Variants in PCDHA8 observed in about 807,000 individuals in gnomAD.
PCDHA8 encodes the protein protocadherin alpha 8.
Under a neutral mutation model 61.8 loss-of-function variants are expected in PCDHA8, and 53 were observed. The observed-to-expected ratio is 0.86, with a 90% confidence interval of 0.69 to 1.08. The LOEUF (loss-of-function observed/expected upper bound fraction) is 1.08. PCDHA8 is among the 50% of genes least tolerant of loss of function. The pLI is 0.00. For missense variants in PCDHA8, 1,293 were observed against 1,245.0 expected (o/e 1.04, Z -0.58); for synonymous variants, 618 against 556.6 (o/e 1.11, Z -1.55).
At position 140,841,479 on chromosome 5, in the gene PCDHA8, G is replaced by A. The variant is rs2150316299; in HGVS notation, c.158G>A (p.Gly53Glu). The change falls in exon 1 of 4, where the codon GGG becomes GAG. Residue 53 changes from glycine to glutamate, a missense_variant. Transcript: ENST00000531613. ...TFVGRIAQDL[G>E]LELAELVPRL... The stretch of plus-strand genomic sequence containing the variant: ...GTGGGCCGGATCGCGCAGGACCTGG[G>A]GCTGGAGCTGGCGGAGCTGGTGCCG... The A allele has an allele frequency of 3.6e-4, 573 of 1,613,084 alleles. 4 individuals are homozygous for A. In the Admixed American group the frequency reaches 9.2e-3, roughly 26 times the overall value.
rs1389969210 is a variant in PCDHA8, at chr5:140,877,650, G to T, written c.2394+33935G>T. The T allele has an allele frequency of 3.1e-6, 5 of 1,613,390 alleles. No individual in the cohort carries two copies. The African/African-American group carries it at 6.7e-5, about 22-fold the overall frequency. ...ACACTGCGCTGCGTTGCTCAGCGCC[G>T]CCCACCGTGAGCCGGTGCGCGCCGG... On this transcript the variant is annotated intron_variant, in intron 1 of 3. Coordinates refer to ENST00000531613, the MANE Select transcript of PCDHA8 (RefSeq NM_018911.3).
chr5:140,930,781 CAATAT>C (rs1259470112), intron 1 of PCDHA8, among the ~76,000 whole-genome samples: 2 of 152,048 alleles, frequency 1.3e-5, no homozygotes, highest in African/African-American at 4.8e-5. Context: ...AATATTTTCA[CAATAT>C]AATAGAATCC....
At chr5:140,843,743 A>C (rs2150365956) in intron 1 of PCDHA8, 28 bp downstream of exon 1, 2 of 1,536,300 alleles carry the variant, frequency 1.3e-6, no homozygotes, top group Admixed American at 3.6e-5. Context: ...TAGAACTCAT[A>C]AATTCTATTT....
At chr5:140,977,599 AC>A (rs782213571) in intron 1 of PCDHA8, among the ~76,000 whole-genome samples, 1 of 152,150 alleles carries the variant, frequency 6.6e-6, no homozygotes, top group Non-Finnish European at 1.5e-5. Context: ...GCATGTGAGG[AC>A]CATTGAGGTA....
intron 1 of PCDHA8, among the ~76,000 whole-genome samples, chr5:140,920,549 G>A (rs957534849): frequency 2.6e-5 from 4 of 152,120 alleles, no homozygotes; most frequent in Non-Finnish European, 5.9e-5. Flanking sequence ...TTTCACCTTC[G>A]AAGTGTGGCC....
chr5:140,858,133 C>T, intron 1 of PCDHA8: 1 of 1,597,688 alleles, frequency 6.3e-7, no homozygotes, highest in Non-Finnish European at 8.6e-7. Context: ...TGGATGTCAA[C>T]GTGTACCTGA....
At chr5:140,947,524 A>G (rs894259499) in intron 1 of PCDHA8, among the ~76,000 whole-genome samples, 1 of 151,796 alleles carries the variant, frequency 6.6e-6, no homozygotes, top group Admixed American at 6.6e-5. Flanking sequence ...TTTAGAATCA[A>G]CTTTTCAATT....
intron 1 of PCDHA8, chr5:140,884,308 G>C: frequency 6.2e-7 from 1 of 1,613,766 alleles, no homozygotes; most frequent in Non-Finnish European, 8.5e-7. Flanking sequence ...AGGCTTCGTC[G>C]AGGGCGTCGG....
At chr5:140,848,742 A>G in intron 1 of PCDHA8, 2 of 1,593,114 alleles carry the variant, frequency 1.3e-6, no homozygotes, top group Admixed American at 3.4e-5. Context: ...GCAGAATGGC[A>G]TTTTGTTTGT....
intron 1 of PCDHA8, among the ~76,000 whole-genome samples, chr5:140,944,313 G>A (rs2093639720): frequency 6.6e-6 from 1 of 152,066 alleles, no homozygotes; most frequent in Non-Finnish European, 1.5e-5. Context: ...TCAGCCTCCT[G>A]AGTAGCTGGG....
At chr5:140,968,017 C>T (rs782195997) in intron 1 of PCDHA8, 2 of 1,614,216 alleles carry the variant, frequency 1.2e-6, no homozygotes, top group East Asian at 2.2e-5. Context: ...GCTTTGGAAA[C>T]TCCTATACAC....
intron 1 of PCDHA8, among the ~76,000 whole-genome samples, chr5:140,873,079 TC>T (rs544069393): frequency 1.1e-4 from 17 of 152,076 alleles, no homozygotes; most frequent in Admixed American, 4.6e-4. Context: ...TCTAGCTATT[TC>T]CCCCCCGTAT....
intron 1 of PCDHA8, among the ~76,000 whole-genome samples, chr5:140,916,601 G>A (rs2077638535): frequency 6.6e-6 from 1 of 152,188 alleles, no homozygotes. Flanking sequence ...GGCCTGGAAT[G>A]CGGGCCTCAT....
intron 1 of PCDHA8, among the ~76,000 whole-genome samples, chr5:140,935,193 G>A (rs782043966): frequency 3.3e-5 from 5 of 152,122 alleles, no homozygotes; most frequent in Non-Finnish European, 4.4e-5. Flanking sequence ...GTCAGTTGCT[G>A]TTTCTAGGTA....
At chr5:140,850,410 G>T (rs369126896) in intron 1 of PCDHA8, 1 of 1,597,934 alleles carries the variant, frequency 6.3e-7, no homozygotes, top group Middle Eastern at 1.7e-4. Flanking sequence ...TGCCCTGGAC[G>T]AAACGGACGC....
At chr5:140,999,454 A>G (rs1467435215) in intron 3 of PCDHA8, among the ~76,000 whole-genome samples, 1 of 152,206 alleles carries the variant, frequency 6.6e-6, no homozygotes, top group African/African-American at 2.4e-5. Context: ...CGTTCAACGA[A>G]TAAGTGGTGA....
At chr5:140,924,903 AAATAAAAT>A (rs1318660055) in intron 1 of PCDHA8, among the ~76,000 whole-genome samples, 2 of 54,856 alleles carry the variant, frequency 3.6e-5, no homozygotes, top group African/African-American at 8.4e-5. Context: ...TCAAAAAAAA[AAATAAAAT>A]AAAATAAAAT....
chr5:140,850,367 G>T, intron 1 of PCDHA8: 3 of 1,597,916 alleles, frequency 1.9e-6, no homozygotes, highest in Non-Finnish European at 8.6e-7. Context: ...CGTTCCGCGT[G>T]GGGCTGTACA....
intron 1 of PCDHA8, chr5:140,883,939 C>T (rs782266148): frequency 6.2e-7 from 1 of 1,613,422 alleles, no homozygotes; most frequent in Non-Finnish European, 8.5e-7. Context: ...TCGTGCTGGA[C>T]GAGAACGACA....
Sources: allele counts gnomAD v4.1 joint callset (sites outside exome capture counted in the v4.1 genomes callset), GRCh38; gene constraint gnomAD v4.1.1; transcripts MANE v1.5; gene names NCBI Gene and HGNC (gene_info 2026-07-23, HGNC 2026-07-21).